The following DGKG variants were observed in gnomAD, a reference collection of about 807,000 sequenced individuals.
The protein encoded by DGKG is diacylglycerol kinase gamma.
In DGKG, 78 loss-of-function variants were observed where a neutral mutation model predicts 105.3. The ratio of observed to expected loss-of-function variants is 0.74; its 90% CI spans 0.62 to 0.89. The LOEUF (loss-of-function observed/expected upper bound fraction) is 0.89, where lower values mean the gene tolerates loss of function less well. DGKG is among the 40% of genes least tolerant of loss of function. DGKG has a pLI of 0.00. For synonymous variants in DGKG, 346 were observed against 367.1 expected, an observed-to-expected ratio of 0.94 and a Z score of 0.66; for missense variants, 958 against 1,020.1, an observed-to-expected ratio of 0.94 and a Z score of 0.83.
At chr3:186,334,961 G>C (rs1343077830) in intron 1 of DGKG, among the ~76,000 whole-genome samples, 1 of 152,136 alleles carries the variant, frequency 6.6e-6, no homozygotes, top group Non-Finnish European at 1.5e-5. Context: ...ATTTCACAGG[G>C]CACTCATAAA....
chr3:186,335,268 G>A (rs1725777910), intron 1 of DGKG, among the ~76,000 whole-genome samples: 1 of 152,042 alleles, frequency 6.6e-6, no homozygotes, highest in Admixed American at 6.5e-5. Context: ...GTAGAAATGG[G>A]GTTTCACCAT....
In DGKG at chr3:186,148,497, A is replaced by G. The variant is rs184036173; in HGVS notation, c.*1593T>C. ...TTGTGTGGGGATATCCCATCCACGC[A>G]TGTGCTGTACGTTTGTTCCTCCCTG... On this transcript the variant is annotated 3_prime_UTR_variant, in exon 25 of 25. Coordinates refer to ENST00000265022, the MANE Select transcript of DGKG (RefSeq NM_001346.3). 4.1e-6 allele frequency: 4 copies of G among 985,454 alleles called. No homozygotes were observed. The highest frequency in any genetic ancestry group is 4.8e-6 in the Non-Finnish European group (4 of 829,952). 61.0% of individuals were successfully genotyped at this position (985,454 alleles called of 1,614,324 possible). A position where few individuals can be genotyped will look rare whatever the true frequency, so the allele number is the denominator to read the frequency against.
At chr3:186,257,053 C>T (rs1721510400) in intron 17 of DGKG, among the ~76,000 whole-genome samples, 1 of 152,216 alleles carries the variant, frequency 6.6e-6, no homozygotes, top group South Asian at 2.1e-4. Context: ...GAGAGCTTGA[C>T]ACATCATGGA....
chr3:186,193,818 C>A (rs556191557), intron 21 of DGKG, among the ~76,000 whole-genome samples: 37 of 152,364 alleles, frequency 2.4e-4, no homozygotes, highest in African/African-American at 7.9e-4. Flanking sequence ...CCCAGCGTGG[C>A]GCTAAGGAGT....
chr3:186,162,453 A>G (rs1412320549), intron 23 of DGKG, among the ~76,000 whole-genome samples: 1 of 152,258 alleles, frequency 6.6e-6, no homozygotes, highest in Non-Finnish European at 1.5e-5. Flanking sequence ...CATCATGTCA[A>G]TGAGGTAATG....
intron 21 of DGKG, among the ~76,000 whole-genome samples, chr3:186,192,289 G>A (rs758706426): frequency 6.6e-6 from 1 of 152,136 alleles, no homozygotes; most frequent in African/African-American, 2.4e-5. Context: ...GATCACAGGG[G>A]TGAGCCACCG....
In DGKG at chr3:186,314,536, C is replaced by T. The variant is rs550581168; in HGVS notation, c.67+5857G>A. Reference sequence around the variant, plus strand: ...TTGGGAGGTCGAGGCGGGTGGATCACCTGAGGTCAGGAGTTCGAGACCAGC... The same window carrying T: ...TTGGGAGGTCGAGGCGGGTGGATCATCTGAGGTCAGGAGTTCGAGACCAGC... On this transcript the variant is annotated intron_variant, in intron 2 of 24. Transcript: ENST00000265022. 2.6e-5 allele frequency among the ~76,000 whole-genome samples: 4 copies of T among 152,174 alleles called. No homozygotes were observed. In the South Asian group the frequency reaches 6.2e-4, roughly 24 times the overall value.
At chr3:186,312,839 A>G (rs1390428177) in intron 2 of DGKG, among the ~76,000 whole-genome samples, 1 of 152,378 alleles carries the variant, frequency 6.6e-6, no homozygotes, top group East Asian at 1.9e-4. Context: ...AGCTGGAGTC[A>G]GGCCTCAGAG....
intron 20 of DGKG, among the ~76,000 whole-genome samples, chr3:186,227,856 TAC>T (rs1232329929): frequency 1.3e-5 from 2 of 152,188 alleles, no homozygotes; most frequent in Non-Finnish European, 2.9e-5. Flanking sequence ...CAGCCGTAAA[TAC>T]AGATACAGAC....
chr3:186,346,683 C>CTATACTATACTATACTATACTT (rs1726348108), intron 1 of DGKG, among the ~76,000 whole-genome samples: 1 of 128,520 alleles, frequency 7.8e-6, no homozygotes, highest in African/African-American at 4.5e-5. Flanking sequence ...ATACTATACT[C>CTATACTATACTATACTATACTT]AGTTTTATTT....
At chr3:186,352,952 C>T (rs1286042530) in intron 1 of DGKG, among the ~76,000 whole-genome samples, 1 of 152,172 alleles carries the variant, frequency 6.6e-6, no homozygotes, top group Non-Finnish European at 1.5e-5. Context: ...AAACGAGACC[C>T]TCCATGGCCC....
chr3:186,178,852 G>A (rs1183999843), intron 22 of DGKG, among the ~76,000 whole-genome samples: 2 of 152,218 alleles, frequency 1.3e-5, no homozygotes, highest in Non-Finnish European at 2.9e-5. Context: ...TGTACGTTTG[G>A]AATACTAGGA....
At chr3:186,206,261 G>A (rs1414765621) in intron 21 of DGKG, among the ~76,000 whole-genome samples, 7 of 152,100 alleles carry the variant, frequency 4.6e-5, no homozygotes, top group African/African-American at 1.7e-4. Context: ...GTGCACGCCT[G>A]TAGTCTCAGG....
At chr3:186,324,519 A>C (rs1725240721) in intron 1 of DGKG, among the ~76,000 whole-genome samples, 1 of 143,076 alleles carries the variant, frequency 7.0e-6, no homozygotes, top group East Asian at 1.9e-4. Context: ...ATCAGCTGAA[A>C]AAAAAAAAAA....
chr3:186,263,514 C>T (rs1209872339), intron 14 of DGKG, among the ~76,000 whole-genome samples: 2 of 152,136 alleles, frequency 1.3e-5, no homozygotes, highest in African/African-American at 2.4e-5. Flanking sequence ...TTGCAGTGAG[C>T]TGAGATCGCA....
In DGKG at chr3:186,261,645, G is replaced by A; in HGVS notation, c.1349+54C>T. On this transcript the variant is annotated intron_variant, in intron 15 of 24. Coordinates refer to ENST00000265022, the MANE Select transcript of DGKG (RefSeq NM_001346.3). ...GCTGTGTTCCTGCCAAGGGGAGGAA[G>A]GGCCTGAGTCGTGTCGCCCTAGTTG... The A allele has an allele frequency of 7.0e-6, 9 of 1,279,572 alleles. No individual in the cohort carries two copies. The South Asian group carries it at 1.1e-4, about 16-fold the overall frequency. The allele number at this position is 1,279,572 out of a possible 1,614,324, so 79.3% of individuals were successfully genotyped here. A position where few individuals can be genotyped will look rare whatever the true frequency, so the allele number is the denominator to read the frequency against.
intron 24 of DGKG, among the ~76,000 whole-genome samples, chr3:186,154,850 C>T (rs906129702): frequency 2.0e-5 from 3 of 152,052 alleles, no homozygotes; most frequent in Non-Finnish European, 4.4e-5. Flanking sequence ...TCTCTGGCAT[C>T]CAGACTTACT....
chr3:186,339,798 G>T lies in DGKG; in HGVS notation c.-248-19091C>A, dbSNP rs138184194. Among the ~76,000 whole-genome samples, 52 of 152,268 alleles carry T rather than the reference G, an allele frequency of 3.4e-4. No individual in the cohort carries two copies. The East Asian group carries it at 9.7e-3, about 28-fold the overall frequency. On this transcript the variant is annotated intron_variant, in intron 1 of 24. Transcript: ENST00000265022. ...CAGCAGTACCCGGAAATCTATATCT[G>T]CCAGGAAACAGAAAAGAGTATCACC... is the stretch of plus-strand genomic sequence containing the variant.
chr3:186,157,543 T>C (rs976356682), intron 24 of DGKG, among the ~76,000 whole-genome samples: 1 of 152,216 alleles, frequency 6.6e-6, no homozygotes, highest in Non-Finnish European at 1.5e-5. Context: ...ACGTATTTCC[T>C]AGTAGTATGG....
Sources: allele counts gnomAD v4.1 joint callset (sites outside exome capture counted in the v4.1 genomes callset), GRCh38; gene constraint gnomAD v4.1.1; transcripts MANE v1.5; gene names NCBI Gene and HGNC (gene_info 2026-07-23, HGNC 2026-07-21).